The following CDH19 variants were observed in gnomAD, a reference collection of about 807,000 sequenced individuals.
CDH19 encodes the protein cadherin 19.
In CDH19, 67 loss-of-function variants were observed where a neutral mutation model predicts 64.2. That is an observed-to-expected ratio of 1.04 (90% CI 0.86 to 1.28). The LOEUF is 1.28. Among genes scored for constraint, CDH19 ranks in the 50% most tolerant of loss-of-function variants. CDH19 has a pLI of 0.00. For synonymous variants in CDH19, 346 were observed against 319.3 expected, an observed-to-expected ratio of 1.08 and a Z score of -0.89; for missense variants, 1,030 against 929.0, an observed-to-expected ratio of 1.11 and a Z score of -1.41.
At chr18:66,592,432 T>C (rs1033308242) in intron 1 of CDH19, among the ~76,000 whole-genome samples, 2 of 151,838 alleles carry the variant, frequency 1.3e-5, no homozygotes, top group East Asian at 3.8e-4. Context: ...ATAAATTAAA[T>C]TATTGTTAAC....
chr18:66,544,848 TGTTCCTATAGAAGTCCCA>T lies in CDH19; in HGVS notation c.813_830del (p.Gly272_Thr277del), dbSNP rs1314019769. 6.2e-7 allele frequency: 1 copy of T among 1,613,160 alleles called. No homozygotes were observed. The highest frequency in any genetic ancestry group is 2.2e-5 in the East Asian group (1 of 44,838). On this transcript the variant is annotated inframe_deletion, in exon 6 of 12. Coordinates refer to ENST00000262150, the MANE Select transcript of CDH19 (RefSeq NM_021153.4). ...CTATGTCATTATCATATGCCATGATTGTTCCTATAGAAGTCCCAGTGGGTGCAGATTCAGAGACAGTCA... is the reference window on the plus strand; with the variant it reads ...CTATGTCATTATCATATGCCATGATTGTGGGTGCAGATTCAGAGACAGTCA...
At chr18:66,598,519 T>A (rs186157474) in intron 1 of CDH19, among the ~76,000 whole-genome samples, 9 of 152,222 alleles carry the variant, frequency 5.9e-5, no homozygotes, top group Admixed American at 3.3e-4. Flanking sequence ...AAAAATGAGA[T>A]CATGTCCTTT....
At chr18:66,553,565 G>T (rs1042398144) in intron 4 of CDH19, among the ~76,000 whole-genome samples, 2 of 132,980 alleles carry the variant, frequency 1.5e-5, no homozygotes, top group Non-Finnish European at 3.1e-5. Flanking sequence ...ATTCTTTAAG[G>T]GTTTTGATAT....
intron 9 of CDH19, among the ~76,000 whole-genome samples, chr18:66,527,278 A>G (rs747953394): frequency 2.6e-5 from 4 of 151,974 alleles, no homozygotes; most frequent in Non-Finnish European, 5.9e-5. Context: ...TCATATTTAC[A>G]AAACATACAA....
chr18:66,529,915 A>C lies in CDH19; in HGVS notation c.1388T>G (p.Ile463Ser). The C allele has an allele frequency of 1.3e-6, 2 of 1,583,510 alleles. No individual in the cohort carries two copies. The highest frequency in any genetic ancestry group is 1.7e-6 in the Non-Finnish European group (2 of 1,157,900). ...AGAGAACTCAGGAGCATGATCATTG[A>C]TGTTAAGAACTTGCACATACAGTGG... ...SIPLYVQVLN[I>S]NDHAPEFSQY... Residue 463 changes from isoleucine (I) to serine (S), a missense_variant, in exon 9 of 12, where the codon ATC (isoleucine) becomes AGC (serine). By Grantham distance (142) the Ile-to-Ser change is moderately radical. Transcript: ENST00000262150.
chr18:66,538,857 T>C (rs945961943), intron 7 of CDH19, among the ~76,000 whole-genome samples: 9 of 152,020 alleles, frequency 5.9e-5, no homozygotes, highest in Admixed American at 3.9e-4. Context: ...CACATGGCAG[T>C]CCTCTCCCAG....
chr18:66,516,011 C>G (rs1708450652), intron 9 of CDH19, among the ~76,000 whole-genome samples: 1 of 151,860 alleles, frequency 6.6e-6, no homozygotes, highest in Non-Finnish European at 1.5e-5. Flanking sequence ...ACCCAAATTA[C>G]ATTTTAAAAG....
In CDH19 at chr18:66,554,466, A is replaced by G; in HGVS notation, c.549T>C (p.Asn183=). 1 of 1,611,516 alleles carries G rather than the reference A, an allele frequency of 6.2e-7. No individual in the cohort carries two copies. Among genetic ancestry groups the G allele is most frequent in the East Asian group, 2.2e-5 (1 of 44,794 alleles). Residue 183 remains asparagine (N), a synonymous_variant, in exon 4 of 12, where the codon AAT becomes AAC. Transcript: ENST00000262150. ...GAAGTAAGCTGTAGAGGAGACGAGC[A>G]TTATTACCACTTGAGGGATCGTCAG... ...SDADDPSSGN[N]ARLLYSLLQG... is the part of the protein sequence containing the mutation.
intron 3 of CDH19, among the ~76,000 whole-genome samples, chr18:66,567,872 T>C (rs1232358029): frequency 6.6e-6 from 1 of 151,852 alleles, no homozygotes; most frequent in Non-Finnish European, 1.5e-5. Flanking sequence ...CATTCTCTCC[T>C]AAATGCATTA....
intron 8 of CDH19, chr18:66,532,407 A>G (rs1309152407): frequency 1.2e-5 from 2 of 160,004 alleles, no homozygotes; most frequent in African/African-American, 4.8e-5. Flanking sequence ...AAAGAACAAA[A>G]CAAATTAAAA....
At chr18:66,552,719 T>TACCAAC (rs1987388889) in intron 4 of CDH19, among the ~76,000 whole-genome samples, 1 of 134,682 alleles carries the variant, frequency 7.4e-6, no homozygotes, top group African/African-American at 3.4e-5. Context: ...TCGTTGTCCA[T>TACCAAC]ACCAACGCTT....
rs1439877343 is a variant in CDH19, at chr18:66,552,943, C to G, written c.610+1462G>C. Among the ~76,000 whole-genome samples, 11 of 133,520 alleles carry G rather than the reference C, an allele frequency of 8.2e-5. 2 individuals carry two copies. Among genetic ancestry groups the G allele is most frequent in the South Asian group, 2.4e-4 (1 of 4,146 alleles). The allele number at this position is 133,520 out of a possible 152,430, so 87.6% of individuals were successfully genotyped here. On this transcript the variant is annotated intron_variant, in intron 4 of 11. Transcript: ENST00000262150. Reference sequence around the variant, plus strand: ...TCTAAGAGTTTCAACTCTTTCCCACCTCAGGAATTTCCCTAATTTTTCCCA... The same window carrying G: ...TCTAAGAGTTTCAACTCTTTCCCACGTCAGGAATTTCCCTAATTTTTCCCA...
chr18:66,510,344 C>A (rs907796877), intron 10 of CDH19, among the ~76,000 whole-genome samples: 46 of 150,772 alleles, frequency 3.1e-4, no homozygotes, highest in Middle Eastern at 3.5e-3. Flanking sequence ...TTACTTGTGA[C>A]CACAAGCATT....
chr18:66,510,962 T>A (rs1371471827), intron 10 of CDH19, among the ~76,000 whole-genome samples: 1 of 151,616 alleles, frequency 6.6e-6, no homozygotes, highest in East Asian at 1.9e-4. Context: ...ACAAAAAGTA[T>A]CTCTTACTGA....
chr18:66,559,195 A>G (rs772335481), intron 3 of CDH19, among the ~76,000 whole-genome samples: 1 of 152,064 alleles, frequency 6.6e-6, no homozygotes, highest in Non-Finnish European at 1.5e-5. Context: ...TTTCCATGGA[A>G]AATATATTTC....
At chr18:66,506,665 GTGTGTGTGTGTC>G (rs942530803) in intron 11 of CDH19, among the ~76,000 whole-genome samples, 1 of 151,580 alleles carries the variant, frequency 6.6e-6, no homozygotes, top group Non-Finnish European at 1.5e-5. Context: ...AAATAAAAAT[GTGTGTGTGTGTC>G]TGTGTGTGTG....
intron 1 of CDH19, among the ~76,000 whole-genome samples, chr18:66,573,640 T>G (rs1056403946): frequency 6.6e-6 from 1 of 151,552 alleles, no homozygotes; most frequent in Non-Finnish European, 1.5e-5. Context: ...ATTTTTTTTA[T>G]AAGTTTGGCA....
At chr18:66,578,526 T>C (rs1367516412) in intron 1 of CDH19, among the ~76,000 whole-genome samples, 1 of 151,828 alleles carries the variant, frequency 6.6e-6, no homozygotes, top group Non-Finnish European at 1.5e-5. Context: ...ACTGCTAGTG[T>C]GAATGTAAAA....
intron 3 of CDH19, among the ~76,000 whole-genome samples, chr18:66,564,846 C>T (rs1036171972): frequency 7.0e-6 from 1 of 142,206 alleles, no homozygotes; most frequent in Non-Finnish European, 1.5e-5. Context: ...GTATACTACA[C>T]GTATTTTAAA....
Sources: allele counts gnomAD v4.1 joint callset (sites outside exome capture counted in the v4.1 genomes callset), GRCh38; gene constraint gnomAD v4.1.1; transcripts MANE v1.5; gene names NCBI Gene and HGNC (gene_info 2026-07-23, HGNC 2026-07-21).